The following SPIRE1 variants were observed in gnomAD, a reference collection of about 807,000 sequenced individuals.
SPIRE1 encodes the protein spire type actin nucleation factor 1.
SPIRE1 carries 40 observed loss-of-function variants against 94.1 expected under a neutral mutation model. The ratio of observed to expected loss-of-function variants is 0.43; its 90% CI spans 0.33 to 0.55. The LOEUF is 0.55. SPIRE1 is among the 20% of genes least tolerant of loss of function. SPIRE1 has a pLI of 0.06. For synonymous variants in SPIRE1, 376 were observed against 371.7 expected (o/e 1.01, Z -0.13); for missense variants, 838 against 975.2 (o/e 0.86, Z 1.87).
chr18:12,534,132 G>A (rs1037883018), intron 4 of SPIRE1, among the ~76,000 whole-genome samples: 1 of 152,142 alleles, frequency 6.6e-6, no homozygotes, highest in East Asian at 1.9e-4. Context: ...AGCAGAGGAA[G>A]GATGCTTAGA....
chr18:12,483,091 C>T (rs547296793), intron 9 of SPIRE1, among the ~76,000 whole-genome samples: 3 of 152,114 alleles, frequency 2.0e-5, no homozygotes, highest in Admixed American at 2.0e-4. Flanking sequence ...CAGGTGTGCA[C>T]CACCACGCCT....
intron 4 of SPIRE1, among the ~76,000 whole-genome samples, chr18:12,534,231 A>G (rs1598443416): frequency 6.6e-6 from 1 of 152,118 alleles, no homozygotes; most frequent in Admixed American, 6.5e-5. Context: ...ACTTACTACC[A>G]GGGTTAAGTA....
rs189058957 is a variant in SPIRE1, at chr18:12,480,142, T to C, written c.1232-271A>G. On this transcript the variant is annotated intron_variant, in intron 9 of 16. Transcript: ENST00000409402. The stretch of plus-strand genomic sequence containing the variant: ...GATAACTGACTCACAACTTGTTTAT[T>C]TTCCAGATGAAGAAACTGGGGCTGA... 2.3e-3 allele frequency among the ~76,000 whole-genome samples: 350 copies of C among 152,310 alleles called. 2 individuals are homozygous for C. Among genetic ancestry groups the C allele is most frequent in the South Asian group, 0.014 (68 of 4,822 alleles).
At chr18:12,616,562 T>G (rs976563515) in intron 2 of SPIRE1, among the ~76,000 whole-genome samples, 3 of 152,376 alleles carry the variant, frequency 2.0e-5, no homozygotes, top group African/African-American at 7.2e-5. Context: ...ATAATTTTAG[T>G]AAGTGTTGTT....
At chr18:12,479,651 T>C in intron 10 of SPIRE1, 48 bp downstream of exon 10, 1 of 1,535,254 alleles carries the variant, frequency 6.5e-7, no homozygotes, top group Non-Finnish European at 8.8e-7. Context: ...TCAGACAGCA[T>C]TAAGCACCCT....
At chr18:12,571,491 G>A (rs981791306) in intron 2 of SPIRE1, among the ~76,000 whole-genome samples, 12 of 152,100 alleles carry the variant, frequency 7.9e-5, no homozygotes, top group Admixed American at 2.6e-4. Context: ...TGCATTCTGC[G>A]TCTTTAGAAA....
At chr18:12,537,886 A>C (rs1771315771) in intron 3 of SPIRE1, among the ~76,000 whole-genome samples, 1 of 152,222 alleles carries the variant, frequency 6.6e-6, no homozygotes, top group Non-Finnish European at 1.5e-5. Flanking sequence ...TCTTGTACTC[A>C]TACATTGGAA....
At chr18:12,556,610 G>C (rs1382603982) in intron 2 of SPIRE1, among the ~76,000 whole-genome samples, 1 of 152,186 alleles carries the variant, frequency 6.6e-6, no homozygotes, top group Non-Finnish European at 1.5e-5. Context: ...CAGGAGTGAA[G>C]CTGCAGACCT....
At chr18:12,566,115 C>T in intron 2 of SPIRE1, among the ~76,000 whole-genome samples, 1 of 151,262 alleles carries the variant, frequency 6.6e-6, no homozygotes, top group African/African-American at 2.4e-5. Flanking sequence ...GCTGGCAGAT[C>T]ACCTGAGGTC....
chr18:12,535,689 G>T, intron 3 of SPIRE1, 88 bp from the exon 4 acceptor site: 1 of 1,229,362 alleles, frequency 8.1e-7, no homozygotes, highest in Non-Finnish European at 1.1e-6. Flanking sequence ...GAGTGCAGTG[G>T]TTCACGCCTG....
At chr18:12,487,104 C>T (rs542010960) in intron 8 of SPIRE1, among the ~76,000 whole-genome samples, 2 of 152,188 alleles carry the variant, frequency 1.3e-5, no homozygotes, top group Non-Finnish European at 2.9e-5. Context: ...CTACATGCCT[C>T]GGCCTCCCAA....
At chr18:12,486,902 G>GA (rs2033059630) in intron 8 of SPIRE1, among the ~76,000 whole-genome samples, 1 of 152,116 alleles carries the variant, frequency 6.6e-6, no homozygotes, top group African/African-American at 2.4e-5. Context: ...GCCAAGGCTG[G>GA]AGGGCAGTGG....
At chr18:12,450,399 G>T (rs574670040) in intron 16 of SPIRE1, 12 of 409,274 alleles carry the variant, frequency 2.9e-5, no homozygotes, top group African/African-American at 2.5e-4. Flanking sequence ...CAGAAAACAT[G>T]TCTTATTAAG....
intron 2 of SPIRE1, among the ~76,000 whole-genome samples, chr18:12,630,341 C>T (rs2037741613): frequency 6.6e-6 from 1 of 152,124 alleles, no homozygotes; most frequent in Non-Finnish European, 1.5e-5. Flanking sequence ...ACGTATAAAG[C>T]TAGGCTTGAT....
chr18:12,507,635 G>A (rs2033880764), intron 5 of SPIRE1, among the ~76,000 whole-genome samples: 1 of 151,668 alleles, frequency 6.6e-6, no homozygotes, highest in Non-Finnish European at 1.5e-5. Context: ...GGAGGTAGAG[G>A]TTGCAGTGAG....
intron 3 of SPIRE1, among the ~76,000 whole-genome samples, chr18:12,545,586 T>C (rs2035138745): frequency 6.6e-6 from 1 of 152,266 alleles, no homozygotes; most frequent in Admixed American, 6.5e-5. Context: ...TTGACAGATC[T>C]GTTTGATGTT....
At chr18:12,479,054 G>A (rs1002454373) in intron 10 of SPIRE1, among the ~76,000 whole-genome samples, 1 of 151,888 alleles carries the variant, frequency 6.6e-6, no homozygotes. Context: ...TTCCCCAAAC[G>A]AGAAGATATT....
chr18:12,579,652 T>C (rs1016669888), intron 2 of SPIRE1, among the ~76,000 whole-genome samples: 4 of 152,222 alleles, frequency 2.6e-5, no homozygotes, highest in Non-Finnish European at 4.4e-5. Flanking sequence ...CACAAACATA[T>C]AGAGGCTGCT....
intron 2 of SPIRE1, among the ~76,000 whole-genome samples, chr18:12,553,405 C>G (rs2035413744): frequency 6.6e-6 from 1 of 152,078 alleles, no homozygotes; most frequent in South Asian, 2.1e-4. Flanking sequence ...ACTGGAAAGG[C>G]CTTGGGCCCT....
Sources: gnomAD v4.1 joint callset for allele counts (sites outside exome capture counted in the v4.1 genomes callset) on GRCh38, gnomAD v4.1.1 for gene constraint, MANE v1.5 for transcripts, NCBI Gene and HGNC (gene_info 2026-07-23, HGNC 2026-07-21) for gene names.